Variants in GPC3 observed in about 807,000 individuals in gnomAD.
The protein encoded by GPC3 is glypican-3.
A neutral mutation model predicts 34.4 loss-of-function variants in GPC3; 3 were observed. That is an observed-to-expected ratio of 0.09 (90% CI 0.04 to 0.23). The LOEUF (loss-of-function observed/expected upper bound fraction) is 0.23, where lower values mean the gene tolerates loss of function less well. GPC3 is among the 10% of genes least tolerant of loss of function. GPC3 has a pLI of 1.00. For missense variants in GPC3, 351 were observed against 445.6 expected, an observed-to-expected ratio of 0.79 and a Z score of 1.91; for synonymous variants, 177 against 174.0, an observed-to-expected ratio of 1.02 and a Z score of -0.13.
At chrX:133,841,114 G>A (rs772565641) in intron 2 of GPC3, among the ~76,000 whole-genome samples, 50 of 107,994 alleles carry the variant, frequency 4.6e-4, no homozygotes, top group Middle Eastern at 9.4e-3. Flanking sequence ...GAGTGCAGTG[G>A]CTCACTGCAT....
chrX:133,663,527 C>T (rs2284120), intron 5 of GPC3, among the ~76,000 whole-genome samples: 14 of 111,370 alleles, frequency 1.3e-4, no homozygotes, highest in African/African-American at 2.6e-4. Flanking sequence ...GCTGAGATTA[C>T]GGGCATGAGC....
chrX:133,557,576 C>T (rs751599204), intron 7 of GPC3, among the ~76,000 whole-genome samples: 26 of 112,271 alleles, frequency 2.3e-4, no homozygotes, highest in African/African-American at 8.1e-4. Flanking sequence ...CACTATGGTG[C>T]TTGGTTGAAC....
At chrX:133,737,020 A>G (rs912951595) in intron 3 of GPC3, among the ~76,000 whole-genome samples, 3 of 112,442 alleles carry the variant, frequency 2.7e-5, no homozygotes, top group Non-Finnish European at 5.6e-5. Context: ...CCAAACAAAT[A>G]TTATTCAACA....
chrX:133,716,962 T>G (rs1045708823), intron 3 of GPC3, among the ~76,000 whole-genome samples: 1 of 111,428 alleles, frequency 9.0e-6, no homozygotes, highest in Non-Finnish European at 1.9e-5. Context: ...TTTTTTTTTC[T>G]TGTTTTTTAA....
At chrX:133,673,233 C>T (rs1475846319) in intron 5 of GPC3, among the ~76,000 whole-genome samples, 1 of 112,859 alleles carries the variant, frequency 8.9e-6, no homozygotes, top group East Asian at 2.8e-4. Flanking sequence ...CCACTGCACC[C>T]AGCCTCTTTA....
chrX:133,621,368 G>A (rs973251400), intron 6 of GPC3, among the ~76,000 whole-genome samples: 2 of 112,026 alleles, frequency 1.8e-5, no homozygotes, highest in African/African-American at 6.5e-5. Context: ...CCTCACCCGG[G>A]AAGTGCAAGG....
At chrX:133,932,708 C>T in intron 2 of GPC3, among the ~76,000 whole-genome samples, 1 of 111,288 alleles carries the variant, frequency 9.0e-6, no homozygotes, top group Admixed American at 9.6e-5. Flanking sequence ...GAGGCATAGA[C>T]CCCTTTACGT....
intron 2 of GPC3, among the ~76,000 whole-genome samples, chrX:133,827,314 T>C (rs2075752209): frequency 8.9e-6 from 1 of 112,356 alleles, no homozygotes; most frequent in Admixed American, 9.4e-5. Context: ...TAGGTAAATA[T>C]AAAAGACAAT....
At chrX:133,868,259 G>A (rs1003656107) in intron 2 of GPC3, among the ~76,000 whole-genome samples, 1 of 112,039 alleles carries the variant, frequency 8.9e-6, no homozygotes, top group South Asian at 3.7e-4. Context: ...CCTAGCTCCT[G>A]CTCCTGCCTG....
intron 2 of GPC3, among the ~76,000 whole-genome samples, chrX:133,853,683 T>C (rs192773671): frequency 8.9e-5 from 10 of 112,160 alleles, no homozygotes; most frequent in Admixed American, 2.8e-4. Context: ...ACAGAATCTA[T>C]TGAGGGAGGC....
intron 1 of GPC3, among the ~76,000 whole-genome samples, chrX:133,970,885 A>G (rs1168670649): frequency 8.9e-6 from 1 of 112,031 alleles, no homozygotes; most frequent in Non-Finnish European, 1.9e-5. Flanking sequence ...CCCCATAAGT[A>G]TAAAGACAAA....
chrX:133,744,116 G>A (rs2071589160), intron 3 of GPC3, among the ~76,000 whole-genome samples: 2 of 111,895 alleles, frequency 1.8e-5, no homozygotes, highest in Non-Finnish European at 3.8e-5. Context: ...AAGACTTAAT[G>A]ACTAAAACAC....
At chrX:133,875,276 C>A (rs1319291953) in intron 2 of GPC3, among the ~76,000 whole-genome samples, 1 of 111,152 alleles carries the variant, frequency 9.0e-6, no homozygotes, top group Non-Finnish European at 1.9e-5. Context: ...AATTGGACAC[C>A]CTGAAGGGTT....
chrX:133,760,386 T>A (rs1431908247), intron 2 of GPC3, among the ~76,000 whole-genome samples: 1 of 112,120 alleles, frequency 8.9e-6, no homozygotes, highest in African/African-American at 3.2e-5. Flanking sequence ...AAACAAGATG[T>A]CCTTCAATAG....
At chrX:133,876,277 C>G (rs1011886384) in intron 2 of GPC3, among the ~76,000 whole-genome samples, 1 of 111,791 alleles carries the variant, frequency 8.9e-6, no homozygotes, top group Non-Finnish European at 1.9e-5. Flanking sequence ...AGAATACGGA[C>G]GCTGTTAACA....
intron 6 of GPC3, among the ~76,000 whole-genome samples, chrX:133,649,544 T>C (rs1272260854): frequency 9.0e-6 from 1 of 110,906 alleles, no homozygotes; most frequent in Non-Finnish European, 1.9e-5. Flanking sequence ...GGGAATGACA[T>C]AACTGAAAAA....
intron 2 of GPC3, among the ~76,000 whole-genome samples, chrX:133,782,660 T>C (rs1267842062): frequency 8.9e-6 from 1 of 111,998 alleles, no homozygotes; most frequent in African/African-American, 3.3e-5. Context: ...TCTTTATATA[T>C]GGCTGCCTGA....
intron 2 of GPC3, among the ~76,000 whole-genome samples, chrX:133,793,656 C>T (rs1259922791): frequency 8.9e-6 from 1 of 111,767 alleles, no homozygotes; most frequent in African/African-American, 3.3e-5. Flanking sequence ...TTCTAATAGC[C>T]TATATATTTG....
chrX:133,858,006 G>A (rs1225860224), intron 2 of GPC3, among the ~76,000 whole-genome samples: 4 of 111,731 alleles, frequency 3.6e-5, no homozygotes, highest in African/African-American at 1.3e-4. Flanking sequence ...GTTCTGAGAT[G>A]GTGTGGTAAG....
Sources: gnomAD v4.1 joint callset for allele counts (sites outside exome capture counted in the v4.1 genomes callset) on GRCh38, gnomAD v4.1.1 for gene constraint, MANE v1.5 for transcripts, NCBI Gene and HGNC (gene_info 2026-07-23, HGNC 2026-07-21) for gene names.